The following LRBA variants were observed in gnomAD, a reference collection of about 807,000 sequenced individuals.
LRBA encodes LPS responsive beige-like anchor protein, also known as lipopolysaccharide-responsive and beige-like anchor protein.
LRBA carries 176 observed loss-of-function variants against 330.0 expected under a neutral mutation model. The ratio of observed to expected loss-of-function variants is 0.53; its 90% CI spans 0.47 to 0.60. The LOEUF (loss-of-function observed/expected upper bound fraction) is 0.60, where lower values mean the gene tolerates loss of function less well. Among genes scored for constraint, LRBA ranks in the 20% least tolerant of loss-of-function variants. The pLI, the probability that LRBA is intolerant of heterozygous loss-of-function variation, is 0.00. For missense variants in LRBA, 3,259 were observed against 3,444.8 expected (o/e 0.95, Z 1.35); for synonymous variants, 1,230 against 1,193.0 (o/e 1.03, Z -0.64).
At chr4:150,478,284 C>G (rs1268151626) in intron 42 of LRBA, among the ~76,000 whole-genome samples, 1 of 152,148 alleles carries the variant, frequency 6.6e-6, no homozygotes, top group Non-Finnish European at 1.5e-5. Flanking sequence ...CTCAGGGGTT[C>G]TAATTTCAAG....
intron 40 of LRBA, among the ~76,000 whole-genome samples, chr4:150,511,556 G>A (rs1285048005): frequency 2.6e-5 from 4 of 152,050 alleles, no homozygotes; most frequent in South Asian, 2.1e-4. Context: ...TTCTTTCAAC[G>A]TGCACCACCA....
At chr4:150,364,144 C>T (rs1739101935) in intron 47 of LRBA, among the ~76,000 whole-genome samples, 1 of 152,174 alleles carries the variant, frequency 6.6e-6, no homozygotes. Context: ...CCCTAATACA[C>T]TTGACAAAAG....
At chr4:150,818,558 G>GTGTGTA (rs1470643700) in intron 30 of LRBA, among the ~76,000 whole-genome samples, 2 of 147,016 alleles carry the variant, frequency 1.4e-5, no homozygotes, top group Non-Finnish European at 3.0e-5. Context: ...GTGTGTGTGT[G>GTGTGTA]TGTGTGCGTG....
At chr4:150,467,900 C>T in intron 43 of LRBA, 115 bp from the exon 44 acceptor site, 3 of 531,688 alleles carry the variant, frequency 5.6e-6, no homozygotes, top group Non-Finnish European at 1.0e-5. Flanking sequence ...AGACATCATT[C>T]TCAGTATCCA....
chr4:150,815,951 T>C (rs1311530575), intron 31 of LRBA, among the ~76,000 whole-genome samples: 2 of 151,978 alleles, frequency 1.3e-5, no homozygotes, highest in Admixed American at 1.3e-4. Flanking sequence ...TAAAACTTCT[T>C]ATAAAATGTA....
At chr4:150,871,567 ACTCAATTACTCTCCCAACTAT>A in intron 18 of LRBA, 114 bp from the exon 19 acceptor site, 2 of 615,158 alleles carry the variant, frequency 3.3e-6, no homozygotes, top group Non-Finnish European at 6.0e-6. Flanking sequence ...ACAATTCCCA[ACTCAATTACTCTCCCAACTAT>A]CTTCAATCTA....
At chr4:150,438,549 C>T (rs1385393278) in intron 44 of LRBA, among the ~76,000 whole-genome samples, 1 of 151,914 alleles carries the variant, frequency 6.6e-6, no homozygotes, top group African/African-American at 2.4e-5. Flanking sequence ...CAGTCTTTTG[C>T]CTTATATCAT....
At chr4:150,520,885 G>A (rs934912321) in intron 40 of LRBA, among the ~76,000 whole-genome samples, 1 of 152,042 alleles carries the variant, frequency 6.6e-6, no homozygotes, top group Admixed American at 6.6e-5. Context: ...GTACTTGGGT[G>A]ACATAATAAT....
chr4:150,906,038 A>G, intron 12 of LRBA, 48 bp from the exon 13 acceptor site: 1 of 1,525,920 alleles, frequency 6.6e-7, no homozygotes, highest in East Asian at 2.3e-5. Flanking sequence ...AGTCAAAGTA[A>G]GTGAATTACA....
intron 47 of LRBA, among the ~76,000 whole-genome samples, chr4:150,396,539 T>C (rs1744762897): frequency 1.3e-5 from 2 of 150,960 alleles, no homozygotes; most frequent in African/African-American, 4.9e-5. Flanking sequence ...TTATCACTTA[T>C]CCTGGCATCC....
intron 40 of LRBA, among the ~76,000 whole-genome samples, chr4:150,507,605 G>C (rs1761269667): frequency 6.6e-6 from 1 of 152,048 alleles, no homozygotes; most frequent in South Asian, 2.1e-4. Context: ...TTACATGTTA[G>C]ACCTAAAACC....
chr4:150,647,719 C>T (rs1276331031), intron 37 of LRBA, among the ~76,000 whole-genome samples: 1 of 151,960 alleles, frequency 6.6e-6, no homozygotes, highest in African/African-American at 2.4e-5. Context: ...CACTGAACAA[C>T]TCAAAGTTCC....
intron 47 of LRBA, among the ~76,000 whole-genome samples, chr4:150,398,224 GA>G (rs1297820492): frequency 1.3e-5 from 2 of 151,990 alleles, no homozygotes; most frequent in Non-Finnish European, 2.9e-5. Context: ...ATTTTACTTA[GA>G]AAAAACAATT....
chr4:151,005,651 C>A (rs1466137089), intron 2 of LRBA, among the ~76,000 whole-genome samples: 1 of 142,862 alleles, frequency 7.0e-6, no homozygotes, highest in African/African-American at 2.7e-5. Flanking sequence ...GTCACCCAAG[C>A]TGGAGCACAG....
At chr4:150,945,431 T>C (rs906293712) in intron 2 of LRBA, among the ~76,000 whole-genome samples, 1 of 152,178 alleles carries the variant, frequency 6.6e-6, no homozygotes, top group Non-Finnish European at 1.5e-5. Context: ...CAAGACACAA[T>C]ACTAAATTTT....
At chr4:150,410,861 G>A (rs902474718) in intron 47 of LRBA, among the ~76,000 whole-genome samples, 1 of 151,954 alleles carries the variant, frequency 6.6e-6, no homozygotes, top group African/African-American at 2.4e-5. Flanking sequence ...GGTTTTCTTT[G>A]TCTCTTATTC....
At chr4:150,719,526 T>A (rs192455390) in intron 36 of LRBA, among the ~76,000 whole-genome samples, 1 of 152,104 alleles carries the variant, frequency 6.6e-6, no homozygotes, top group East Asian at 1.9e-4. Flanking sequence ...TTAAAAATAA[T>A]GAAACAATGT....
At chr4:150,635,958 G>A (rs1230810098) in intron 37 of LRBA, among the ~76,000 whole-genome samples, 1 of 152,078 alleles carries the variant, frequency 6.6e-6, no homozygotes, top group Non-Finnish European at 1.5e-5. Flanking sequence ...TTTGTAGAAT[G>A]TCCCTCAATT....
chr4:150,863,979 T>G (rs527575370), intron 22 of LRBA, among the ~76,000 whole-genome samples: 6 of 152,196 alleles, frequency 3.9e-5, no homozygotes, highest in African/African-American at 1.4e-4. Flanking sequence ...CTCGCTCTGT[T>G]GCAGGCTGGA....
Sources: allele counts gnomAD v4.1 joint callset (sites outside exome capture counted in the v4.1 genomes callset), GRCh38; gene constraint gnomAD v4.1.1; transcripts MANE v1.5; gene names NCBI Gene and HGNC (gene_info 2026-07-23, HGNC 2026-07-21).